The following LRP12 variants were observed in gnomAD, a reference collection of about 807,000 sequenced individuals.
The protein encoded by LRP12 is low-density lipoprotein receptor-related protein 12.
A neutral mutation model predicts 66.0 loss-of-function variants in LRP12; 14 were observed. That is an observed-to-expected ratio of 0.21 (90% CI 0.14 to 0.33). LRP12 has a LOEUF of 0.33. Ranked by LOEUF, LRP12 falls within the 10% of genes least tolerant of loss-of-function variation. The pLI, the probability that LRP12 is intolerant of heterozygous loss-of-function variation, is 1.00. For synonymous variants in LRP12, 357 were observed against 359.1 expected, an observed-to-expected ratio of 0.99 and a Z score of 0.07; for missense variants, 889 against 1,053.4, an observed-to-expected ratio of 0.84 and a Z score of 2.16.
At chr8:104,540,100 G>A (rs1216754395) in intron 1 of LRP12, among the ~76,000 whole-genome samples, 1 of 151,984 alleles carries the variant, frequency 6.6e-6, no homozygotes, top group African/African-American at 2.4e-5. Context: ...AATAAGGTAA[G>A]GGTGGGGGCT....
At chr8:104,499,234 C>T in intron 4 of LRP12, 83 bp downstream of exon 4, 1 of 1,090,040 alleles carries the variant, frequency 9.2e-7, no homozygotes, top group Admixed American at 2.2e-5. Flanking sequence ...TAAATGAACA[C>T]TACTTAGAAG....
At chr8:104,528,528 A>C (rs570137268) in intron 2 of LRP12, among the ~76,000 whole-genome samples, 4 of 152,292 alleles carry the variant, frequency 2.6e-5, no homozygotes, top group African/African-American at 7.2e-5. Context: ...TAATGCCAGC[A>C]CTTAGGGAGA....
intron 1 of LRP12, among the ~76,000 whole-genome samples, chr8:104,577,335 C>A (rs865795841): frequency 6.6e-6 from 1 of 152,124 alleles, no homozygotes; most frequent in Middle Eastern, 3.2e-3. Flanking sequence ...AGAAGCAAAA[C>A]ACTCCTCAGC....
intron 1 of LRP12, among the ~76,000 whole-genome samples, chr8:104,544,522 G>A (rs1427738474): frequency 6.6e-6 from 1 of 152,156 alleles, no homozygotes; most frequent in Non-Finnish European, 1.5e-5. Flanking sequence ...AGCTTCAAAG[G>A]ACAAGCTGAC....
chr8:104,509,711 A>G (rs991988993), intron 2 of LRP12, among the ~76,000 whole-genome samples: 1 of 152,194 alleles, frequency 6.6e-6, no homozygotes, highest in Non-Finnish European at 1.5e-5. Flanking sequence ...TAGAAAAAAA[A>G]TCGTATGCTG....
Position 104,499,445 on chromosome 8 carries a change from A to G in LRP12, c.347T>C (p.Ile116Thr). ...GGAACCACAAGCTCTGTAACTTTCA[A>G]TATTCTTGTATGTTTCTATTGTCAA... ...DWLTIETYKN[I>T]ESYRACGSTI... The change falls in exon 4 of 7, where the codon ATT (isoleucine) becomes ACT (threonine). Residue 116 changes from isoleucine to threonine, a missense_variant. Around this residue, in one of 3 missense-constraint regions of LRP12, gnomAD observed 800 missense variants for 964.5 expected, o/e 0.83. Coordinates refer to ENST00000276654, the MANE Select transcript of LRP12 (RefSeq NM_013437.5). 6.2e-7 allele frequency: 1 copy of G among 1,613,770 alleles called. No homozygotes were observed. The highest frequency in any genetic ancestry group is 8.5e-7 in the Non-Finnish European group (1 of 1,179,750).
chr8:104,548,654 A>C (rs1811677470), intron 1 of LRP12, among the ~76,000 whole-genome samples: 1 of 130,460 alleles, frequency 7.7e-6, no homozygotes, highest in African/African-American at 3.0e-5. Flanking sequence ...TAATTATATA[A>C]TTATTATATA....
At chr8:104,538,125 G>A (rs551455962) in intron 1 of LRP12, among the ~76,000 whole-genome samples, 2 of 152,194 alleles carry the variant, frequency 1.3e-5, no homozygotes, top group Non-Finnish European at 2.9e-5. Flanking sequence ...GATGATAGGC[G>A]TAAGCCTAGG....
chr8:104,561,465 T>C (rs1454143061), intron 1 of LRP12, among the ~76,000 whole-genome samples: 1 of 152,190 alleles, frequency 6.6e-6, no homozygotes, highest in Non-Finnish European at 1.5e-5. Flanking sequence ...AATAAATCAT[T>C]TCATTAGGGT....
At chr8:104,499,233 A>T (rs1311046370) in intron 4 of LRP12, 84 bp downstream of exon 4, 1 of 1,058,090 alleles carries the variant, frequency 9.5e-7, no homozygotes, top group Admixed American at 2.4e-5. Context: ...TTAAATGAAC[A>T]CTACTTAGAA....
At chr8:104,538,127 A>C (rs1252512267) in intron 1 of LRP12, among the ~76,000 whole-genome samples, 1 of 152,216 alleles carries the variant, frequency 6.6e-6, no homozygotes, top group Non-Finnish European at 1.5e-5. Flanking sequence ...TGATAGGCGT[A>C]AGCCTAGGAG....
chr8:104,581,996 T>C (rs57345526), intron 1 of LRP12, among the ~76,000 whole-genome samples: 1,836 of 152,322 alleles, frequency 0.012, 33 homozygotes, highest in African/African-American at 0.041. Context: ...TCTTATGTTT[T>C]CTCCAATATA....
At chr8:104,587,032 C>T (rs976866441) in intron 1 of LRP12, among the ~76,000 whole-genome samples, 4 of 152,158 alleles carry the variant, frequency 2.6e-5, no homozygotes, top group Non-Finnish European at 5.9e-5. Flanking sequence ...CAGAAAGTCA[C>T]TTTGTGTACA....
chr8:104,534,797 A>G (rs1811371636), intron 1 of LRP12, among the ~76,000 whole-genome samples: 1 of 151,934 alleles, frequency 6.6e-6, no homozygotes, highest in African/African-American at 2.4e-5. Flanking sequence ...AAATATGTTT[A>G]TGAAGATGTC....
In LRP12 at chr8:104,548,171, A is replaced by T. The variant is rs372312948; in HGVS notation, c.80-16208T>A. ...TTATATATTAATAATTATTATATAT[A>T]ATATAATATATAATATATATATAAA... On this transcript the variant is annotated intron_variant, in intron 1 of 6. Transcript: ENST00000276654. 2.8e-3 allele frequency among the ~76,000 whole-genome samples: 281 copies of T among 99,054 alleles called. 6 individuals are homozygous for T. Among genetic ancestry groups the T allele is most frequent in the South Asian group, 6.8e-3 (25 of 3,702 alleles). The allele number at this position is 99,054 out of a possible 152,430, so 65.0% of individuals were successfully genotyped here.
chr8:104,521,974 A>C (rs1811159687), intron 2 of LRP12, among the ~76,000 whole-genome samples: 1 of 152,014 alleles, frequency 6.6e-6, no homozygotes, highest in South Asian at 2.1e-4. Context: ...ATATTTAAAA[A>C]ATAATTGTAA....
rs1251680189 is a variant in LRP12 at position 104,493,750 on chromosome 8, TG to T, written c.1713+1326del. ...GTACAAACTCCGGACACCCGAGGCC[TG>T]GGTGAGCTTTCCTGATTGGTAACAC... On this transcript the variant is annotated intron_variant, in intron 6 of 6. Coordinates refer to ENST00000276654, the MANE Select transcript of LRP12 (RefSeq NM_013437.5). Among the ~76,000 whole-genome samples, 4 of 152,226 alleles carry T rather than the reference TG, an allele frequency of 2.6e-5. No individual in the cohort carries two copies. The East Asian group carries it at 7.7e-4, about 29-fold the overall frequency.
At chr8:104,519,810 T>A (rs1437540749) in intron 2 of LRP12, among the ~76,000 whole-genome samples, 1 of 152,056 alleles carries the variant, frequency 6.6e-6, no homozygotes, top group African/African-American at 2.4e-5. Context: ...ATAATTTAAA[T>A]ATTCTTCTGC....
intron 1 of LRP12, among the ~76,000 whole-genome samples, chr8:104,532,979 A>T (rs1811347629): frequency 6.6e-6 from 1 of 152,132 alleles, no homozygotes; most frequent in African/African-American, 2.4e-5. Context: ...ATAGCATTGA[A>T]CAGGTGTTGA....
Sources: allele counts gnomAD v4.1 joint callset (sites outside exome capture counted in the v4.1 genomes callset), GRCh38; gene constraint gnomAD v4.1.1; regional missense constraint gnomAD v4.1.1; transcripts MANE v1.5; gene names NCBI Gene and HGNC (gene_info 2026-07-23, HGNC 2026-07-21).